ZNF382: variants seen among roughly 807,000 people sequenced by gnomAD.
ZNF382 encodes the protein zinc finger protein 382, also known as KRAB/zinc finger suppressor protein 1.
ZNF382 carries 20 observed loss-of-function variants against 38.8 expected under a neutral mutation model. That is an observed-to-expected ratio of 0.51 (90% confidence interval 0.36 to 0.75). The LOEUF is 0.75. Among genes scored for constraint, ZNF382 ranks in the 30% least tolerant of loss-of-function variants. ZNF382 has a pLI of 0.00. For missense variants in ZNF382, 546 were observed against 654.1 expected (o/e 0.83, Z 1.80); for synonymous variants, 202 against 223.1 (o/e 0.91, Z 0.84).
Position 36,627,518 on chromosome 19 carries a change from A to G in ZNF382, c.1621A>G (p.Thr541Ala). The change falls in exon 5 of 5, where the codon ACT (threonine) becomes GCT (alanine). Residue 541 changes from threonine (T) to alanine (A), a missense_variant. By Grantham distance (58) the Thr-to-Ala change is moderately conservative (BLOSUM62 0). Transcript: ENST00000292928. ...CKSNLIVHQK[T>A]HKVETTGIQ ...GTCAAACCTCATTGTCCATCAGAAAACTCACAAGGTAGAAACCACGGGAAT... is the reference window on the plus strand; with the variant it reads ...GTCAAACCTCATTGTCCATCAGAAAGCTCACAAGGTAGAAACCACGGGAAT... The G allele has an allele frequency of 6.2e-7, 1 of 1,612,404 alleles. No individual in the cohort carries two copies. The highest frequency in any genetic ancestry group is 8.5e-7 in the Non-Finnish European group (1 of 1,178,570).
intron 4 of ZNF382, among the ~76,000 whole-genome samples, chr19:36,612,093 C>T (rs567386295): frequency 1.9e-4 from 29 of 152,176 alleles, no homozygotes; most frequent in Non-Finnish European, 4.0e-4. Flanking sequence ...TCTCACACTC[C>T]AATCAAGATA....
intron 4 of ZNF382, among the ~76,000 whole-genome samples, chr19:36,613,189 A>G (rs1164624818): frequency 6.6e-6 from 1 of 152,170 alleles, no homozygotes; most frequent in Non-Finnish European, 1.5e-5. Context: ...CTTTTGTTCA[A>G]TGTATGTATT....
At chr19:36,618,005 A>G (rs2037138965) in intron 4 of ZNF382, among the ~76,000 whole-genome samples, 1 of 152,140 alleles carries the variant, frequency 6.6e-6, no homozygotes, top group Admixed American at 6.5e-5. Flanking sequence ...GGAAAGACCA[A>G]GATTGTTGTG....
Position 36,633,301 on chromosome 19 carries a change from G to T in ZNF382, c.*5751G>T, listed in dbSNP as rs1275074395. On this transcript the variant is annotated 3_prime_UTR_variant, in exon 5 of 5. Transcript: ENST00000292928. ...GATCCGCCCACCTCGACCTCCCAAA[G>T]TGCTGGGATTACAGGCGTGAGCCAC... 6.6e-6 allele frequency: 1 copy of T among 151,950 alleles called. No homozygotes were observed. The highest frequency in any genetic ancestry group is 1.5e-5 in the Non-Finnish European group (1 of 68,090). 9.4% of individuals were successfully genotyped at this position (151,950 alleles called of 1,614,324 possible).
intron 1 of ZNF382, chr19:36,605,596 A>T (rs1165505169): frequency 6.6e-6 from 1 of 151,688 alleles, no homozygotes; most frequent in Admixed American, 6.6e-5. Flanking sequence ...GCGAAGGGGG[A>T]TTTTGCCCGT....
intron 2 of ZNF382, 58 bp downstream of exon 2, chr19:36,607,680 A>G: frequency 6.9e-7 from 1 of 1,451,136 alleles, no homozygotes; most frequent in South Asian, 1.4e-5. Flanking sequence ...TATGAACATG[A>G]GCTTCACTGT....
Position 36,629,102 on chromosome 19 carries a change from C to G in ZNF382, c.*1552C>G, listed in dbSNP as rs966850898. 1 of 151,990 alleles carries G rather than the reference C, an allele frequency of 6.6e-6. No homozygotes were observed. Among genetic ancestry groups the G allele is most frequent in the Non-Finnish European group, 1.5e-5 (1 of 68,094 alleles). 9.4% of individuals were successfully genotyped at this position (151,990 alleles called of 1,614,324 possible). A position where few individuals can be genotyped will look rare whatever the true frequency, so the allele number is the denominator to read the frequency against. On this transcript the variant is annotated 3_prime_UTR_variant, in exon 5 of 5. Coordinates refer to ENST00000292928, the MANE Select transcript of ZNF382 (RefSeq NM_032825.5). ...TCAGCCTCCCGGGTAGCTGAGATTACAGGCACACGCCACACGCACAGCTAA... is the reference window on the plus strand; with the variant it reads ...TCAGCCTCCCGGGTAGCTGAGATTAGAGGCACACGCCACACGCACAGCTAA...
chr19:36,614,580 A>G (rs886455772), intron 4 of ZNF382, among the ~76,000 whole-genome samples: 1 of 152,112 alleles, frequency 6.6e-6, no homozygotes, highest in Non-Finnish European at 1.5e-5. Flanking sequence ...GAAATCTTAC[A>G]TATTGCTCAT....
rs921351236 is a variant in ZNF382, at chr19:36,634,049, T to A, written c.*6499T>A. On this transcript the variant is annotated 3_prime_UTR_variant, in exon 5 of 5. Transcript: ENST00000292928. ...CATGTGTAAAAAATAGAAGTATACA[T>A]ACAAAAAAGTGAATTGTACTGTCTG... 5 of 152,100 alleles carry A rather than the reference T, an allele frequency of 3.3e-5. No homozygotes were observed. Among genetic ancestry groups the A allele is most frequent in the Non-Finnish European group, 7.4e-5 (5 of 68,006 alleles). The allele number at this position is 152,100 out of a possible 1,614,324, so 9.4% of individuals were successfully genotyped here. A position where few individuals can be genotyped will look rare whatever the true frequency, so the allele number is the denominator to read the frequency against.
intron 4 of ZNF382, among the ~76,000 whole-genome samples, chr19:36,620,767 T>C (rs1299622244): frequency 1.3e-5 from 2 of 152,152 alleles, no homozygotes; most frequent in African/African-American, 4.8e-5. Context: ...TAATCTTTTT[T>C]TTTTTAATTG....
chr19:36,625,251 T>C lies in ZNF382; in HGVS notation c.233-879T>C, dbSNP rs571658857. Among the ~76,000 whole-genome samples, 52 of 151,190 alleles carry C rather than the reference T, an allele frequency of 3.4e-4. No individual in the cohort carries two copies. In the Middle Eastern group the frequency reaches 0.017, roughly 49 times the overall value. Reference sequence around the variant, plus strand: ...GCTTTCAAGAGAAAATAAATTACGGTTATATGGACATCTAGGGCCTAGACT... The same window carrying C: ...GCTTTCAAGAGAAAATAAATTACGGCTATATGGACATCTAGGGCCTAGACT... On this transcript the variant is annotated intron_variant, in intron 4 of 4. Coordinates refer to ENST00000292928, the MANE Select transcript of ZNF382 (RefSeq NM_032825.5).
In ZNF382 at chr19:36,607,286, GAAAAACAC is replaced by G. The variant is rs558346769; in HGVS notation, c.-84-264_-84-257del. Among the ~76,000 whole-genome samples the G allele has an allele frequency of 1.4e-3, 206 of 152,174 alleles. No individual in the cohort carries two copies. The Middle Eastern group carries it at 0.024, about 18-fold the overall frequency. The stretch of plus-strand genomic sequence containing the variant: ...TAGATGGAAGGCAGAGCTGCAGAGG[GAAAAACAC>G]AGTGTTCCCTCTCTTCAAGCTAAAA... On this transcript the variant is annotated intron_variant, in intron 1 of 4. Coordinates refer to ENST00000292928, the MANE Select transcript of ZNF382 (RefSeq NM_032825.5).
chr19:36,618,510 A>G (rs965515171), intron 4 of ZNF382, among the ~76,000 whole-genome samples: 4 of 152,168 alleles, frequency 2.6e-5, no homozygotes, highest in African/African-American at 7.2e-5. Context: ...TGATTCCCCT[A>G]TACAGATGAC....
In ZNF382 at chr19:36,627,324, A is replaced by C. The variant is rs1183450044; in HGVS notation, c.1427A>C (p.Lys476Thr). The C allele has an allele frequency of 6.2e-7, 1 of 1,614,130 alleles. No individual in the cohort carries two copies. Residue 476 changes from lysine to threonine, a missense_variant, in exon 5 of 5, where the codon AAG becomes ACG. Lys to Thr is a moderately conservative substitution (Grantham distance 78). Transcript: ENST00000292928. ...CNECGKSFRQ[K>T]AILTVHHRIH... ...GAATGTGGGAAGTCCTTCCGCCAGA[A>C]GGCAATCCTCACTGTTCATCACAGA...
chr19:36,608,497 T>C (rs2037051928), intron 2 of ZNF382: 1 of 152,252 alleles, frequency 6.6e-6, no homozygotes, highest in African/African-American at 2.4e-5. Context: ...TTCATATCTT[T>C]CAGAAAATTC....
intron 4 of ZNF382, among the ~76,000 whole-genome samples, chr19:36,615,024 C>T (rs748740255): frequency 1.8e-4 from 26 of 146,918 alleles, no homozygotes; most frequent in Non-Finnish European, 3.3e-4. Flanking sequence ...TCTCTGTCGC[C>T]CAGGCTGGAG....
intron 4 of ZNF382, among the ~76,000 whole-genome samples, chr19:36,614,366 C>G (rs2037104169): frequency 6.6e-6 from 1 of 151,972 alleles, no homozygotes; most frequent in Non-Finnish European, 1.5e-5. Context: ...CAAATGAAAA[C>G]AACTTTTAGC....
intron 4 of ZNF382, among the ~76,000 whole-genome samples, chr19:36,617,659 C>G (rs542960319): frequency 3.0e-4 from 45 of 152,100 alleles, no homozygotes; most frequent in African/African-American, 9.6e-4. Context: ...ACTCTGAATA[C>G]GATAAGGAAG....
At chr19:36,613,509 C>T (rs568648186) in intron 4 of ZNF382, among the ~76,000 whole-genome samples, 8 of 151,296 alleles carry the variant, frequency 5.3e-5, no homozygotes, top group East Asian at 3.9e-4. Context: ...CCGCAACCTC[C>T]GCTTCCCTGC....
Sources: gnomAD v4.1 joint callset for allele counts (sites outside exome capture counted in the v4.1 genomes callset) on GRCh38, gnomAD v4.1.1 for gene constraint, MANE v1.5 for transcripts, NCBI Gene and HGNC (gene_info 2026-07-23, HGNC 2026-07-21) for gene names.